The following PPP2R5E variants were observed in gnomAD, a reference collection of about 807,000 sequenced individuals.
The protein encoded by PPP2R5E is serine/threonine-protein phosphatase 2A 56 kDa regulatory subunit epsilon isoform.
PPP2R5E carries 4 observed loss-of-function variants against 65.3 expected under a neutral mutation model. The ratio of observed to expected loss-of-function variants is 0.06; its 90% confidence interval spans 0.03 to 0.14. The LOEUF (loss-of-function observed/expected upper bound fraction) is 0.14, where lower values mean the gene tolerates loss of function less well. Ranked by LOEUF, PPP2R5E falls within the 10% of genes least tolerant of loss-of-function variation. The probability of loss-of-function intolerance (pLI) is 1.00; values close to 1 mark genes in which losing one functional copy is unlikely to be tolerated. For synonymous variants in PPP2R5E, 183 were observed against 187.4 expected (o/e 0.98, Z 0.19); for missense variants, 274 against 556.1 (o/e 0.49, Z 5.10).
At chr14:63,389,879 G>C (rs1441232112) in intron 10 of PPP2R5E, 148 bp from the exon 11 acceptor site, 3 of 910,130 alleles carry the variant, frequency 3.3e-6, no homozygotes, top group Non-Finnish European at 4.7e-6. Context: ...TCCCATGTTA[G>C]AAGATGTTCG....
chr14:63,509,508 A>AAG (rs1252566669), intron 2 of PPP2R5E, among the ~76,000 whole-genome samples: 2 of 152,058 alleles, frequency 1.3e-5, no homozygotes, highest in Non-Finnish European at 2.9e-5. Context: ...TCCTGACCTC[A>AAG]AGTGATCCAC....
At chr14:63,415,349 C>A in intron 4 of PPP2R5E, 117 bp from the exon 5 acceptor site, 1 of 599,002 alleles carries the variant, frequency 1.7e-6, no homozygotes, top group Non-Finnish European at 2.7e-6. Flanking sequence ...ATTTTAATAT[C>A]AATCAACAAA....
chr14:63,510,692 T>A (rs1230202960), intron 2 of PPP2R5E, among the ~76,000 whole-genome samples: 1 of 152,192 alleles, frequency 6.6e-6, no homozygotes, highest in African/African-American at 2.4e-5. Context: ...AAGCAGTGAG[T>A]TAAGATGAGG....
chr14:63,512,964 G>A (rs1233015991), intron 2 of PPP2R5E, among the ~76,000 whole-genome samples: 1 of 150,836 alleles, frequency 6.6e-6, no homozygotes, highest in Non-Finnish European at 1.5e-5. Context: ...AGAACCAACA[G>A]CAGCAGTGGA....
At chr14:63,465,081 TGAGTA>T (rs1889716703) in intron 2 of PPP2R5E, among the ~76,000 whole-genome samples, 2 of 150,700 alleles carry the variant, frequency 1.3e-5, no homozygotes, top group South Asian at 2.1e-4. Context: ...TTCACAGGGT[TGAGTA>T]AAGATTAAAT....
Position 63,405,532 on chromosome 14 carries a change from T to C in PPP2R5E, c.550-8816A>G, listed in dbSNP as rs370412519. 5.3e-5 allele frequency among the ~76,000 whole-genome samples: 8 copies of C among 152,348 alleles called. No homozygotes were observed. In the South Asian group the frequency reaches 1.7e-3, roughly 32 times the overall value. On this transcript the variant is annotated intron_variant, in intron 5 of 13. Transcript: ENST00000337537. ...ATAACAGCAAATGTGAAGTACAAAT[T>C]ACTAAATAGCAATCTCCAGCAGTAC...
intron 2 of PPP2R5E, among the ~76,000 whole-genome samples, chr14:63,456,090 T>C (rs1405945666): frequency 6.6e-6 from 1 of 152,206 alleles, no homozygotes; most frequent in African/African-American, 2.4e-5. Context: ...TAATATAACA[T>C]TCGTTACAGG....
intron 3 of PPP2R5E, among the ~76,000 whole-genome samples, chr14:63,443,772 C>A (rs1209401954): frequency 6.6e-6 from 1 of 152,280 alleles, no homozygotes; most frequent in East Asian, 1.9e-4. Context: ...CAGCACCACA[C>A]CACAAACTAC....
At chr14:63,404,738 T>A (rs1297810486) in intron 5 of PPP2R5E, among the ~76,000 whole-genome samples, 1 of 152,232 alleles carries the variant, frequency 6.6e-6, no homozygotes. Context: ...TTTTCCTCCA[T>A]TTAATTTCAA....
intron 2 of PPP2R5E, among the ~76,000 whole-genome samples, chr14:63,521,166 A>G (rs1387132777): frequency 6.6e-6 from 1 of 152,212 alleles, no homozygotes; most frequent in Non-Finnish European, 1.5e-5. Flanking sequence ...CATTTCTAGA[A>G]CATCTCACTA....
At chr14:63,394,128 C>A (rs988538625) in intron 7 of PPP2R5E, among the ~76,000 whole-genome samples, 200 bp from the exon 8 acceptor site, 1 of 132,600 alleles carries the variant, frequency 7.5e-6, no homozygotes, top group Non-Finnish European at 1.5e-5. Context: ...ATTGCCCAGG[C>A]TGGAGTGCAG....
At chr14:63,489,810 T>G (rs868084689) in intron 2 of PPP2R5E, among the ~76,000 whole-genome samples, 18 of 152,114 alleles carry the variant, frequency 1.2e-4, no homozygotes, top group African/African-American at 4.1e-4. Context: ...CAAGTCATCT[T>G]CCTTTTCTCT....
At chr14:63,472,602 T>C (rs141761419) in intron 2 of PPP2R5E, among the ~76,000 whole-genome samples, 109 of 152,320 alleles carry the variant, frequency 7.2e-4, no homozygotes, top group African/African-American at 2.5e-3. Flanking sequence ...GCCAGTTAGG[T>C]TGAATTGCTT....
intron 2 of PPP2R5E, among the ~76,000 whole-genome samples, chr14:63,532,107 A>G (rs1893461635): frequency 6.6e-6 from 1 of 152,188 alleles, no homozygotes; most frequent in Non-Finnish European, 1.5e-5. Context: ...TTTAAAATAG[A>G]TACACACATA....
chr14:63,537,660 C>T (rs552747148), intron 2 of PPP2R5E, among the ~76,000 whole-genome samples: 22 of 152,198 alleles, frequency 1.4e-4, no homozygotes, highest in African/African-American at 4.6e-4. Context: ...GGATCTTTTC[C>T]GGTTACATTC....
intron 11 of PPP2R5E, among the ~76,000 whole-genome samples, chr14:63,388,535 G>C (rs1326497242): frequency 6.6e-6 from 1 of 152,178 alleles, no homozygotes; most frequent in Admixed American, 6.5e-5. Flanking sequence ...CAATCCAGAT[G>C]TGTGAGCACT....
At chr14:63,541,686 T>C (rs1034320751) in intron 1 of PPP2R5E, among the ~76,000 whole-genome samples, 2 of 152,238 alleles carry the variant, frequency 1.3e-5, no homozygotes, top group Non-Finnish European at 2.9e-5. Flanking sequence ...AGGGAATTTC[T>C]TCCTGAACAC....
In PPP2R5E at chr14:63,543,251, G is replaced by C. The variant is rs1159667918; in HGVS notation, c.-480C>G. 1 of 153,594 alleles carries C rather than the reference G, an allele frequency of 6.5e-6. No homozygotes were observed. Among genetic ancestry groups the C allele is most frequent in the Non-Finnish European group, 1.5e-5 (1 of 68,900 alleles). 9.5% of individuals were successfully genotyped at this position (153,594 alleles called of 1,614,324 possible). A position where few individuals can be genotyped will look rare whatever the true frequency, so the allele number is the denominator to read the frequency against. On this transcript the variant is annotated 5_prime_UTR_variant, in exon 1 of 14. Coordinates refer to ENST00000337537, the MANE Select transcript of PPP2R5E (RefSeq NM_006246.5). ...AGGAGGAGCCGCAGGAGCTGGAGCC[G>C]CCGCTGCCAGAGCCACCTTTCGCTA...
intron 2 of PPP2R5E, among the ~76,000 whole-genome samples, chr14:63,459,854 G>A (rs7142618): frequency 0.026 from 3,986 of 152,200 alleles, 178 homozygotes; most frequent in African/African-American, 0.092. Context: ...AGCTAGCAGT[G>A]AAAACTTTTA....
Sources: gnomAD v4.1 joint callset for allele counts (sites outside exome capture counted in the v4.1 genomes callset) on GRCh38, gnomAD v4.1.1 for gene constraint, MANE v1.5 for transcripts, NCBI Gene and HGNC (gene_info 2026-07-23, HGNC 2026-07-21) for gene names.